TENM3: variants seen among roughly 807,000 people sequenced by gnomAD.
The protein encoded by TENM3 is teneurin transmembrane protein 3, also known as teneurin-3.
Under a neutral mutation model 255.1 loss-of-function variants are expected in TENM3, and 63 were observed. That is an observed-to-expected ratio of 0.25 (90% CI 0.20 to 0.30). The LOEUF is 0.30. TENM3 is among the 10% of genes least tolerant of loss of function. TENM3 has a pLI of 1.00. For synonymous variants in TENM3, 1,306 were observed against 1,322.3 expected (o/e 0.99, Z 0.27); for missense variants, 2,929 against 3,461.1 (o/e 0.85, Z 3.86).
the TENM3 span, among the ~76,000 whole-genome samples, chr4:181,675,587 T>C: frequency 6.6e-6 from 1 of 152,114 alleles, no homozygotes; most frequent in Non-Finnish European, 1.5e-5. Context: ...GGCCAGGTAC[T>C]ATGATGGGCA....
intron 3 of TENM3, among the ~76,000 whole-genome samples, chr4:182,397,435 CAAG>C (rs1402541392): frequency 1.1e-5 from 1 of 94,408 alleles, no homozygotes; most frequent in Non-Finnish European, 2.3e-5. Context: ...AAAAATCAAA[CAAG>C]AGGTAATGGG....
the TENM3 span, among the ~76,000 whole-genome samples, chr4:182,040,441 T>A: frequency 6.6e-6 from 1 of 152,198 alleles, no homozygotes; most frequent in Non-Finnish European, 1.5e-5. Context: ...CAAAGCAAAT[T>A]CCCACCTTGG....
chr4:182,087,311 G>A, the TENM3 span, among the ~76,000 whole-genome samples: 2 of 152,176 alleles, frequency 1.3e-5, no homozygotes, highest in Non-Finnish European at 2.9e-5. Flanking sequence ...CAGGGTTAGT[G>A]TGGGCCAATA....
chr4:182,619,117 A>T lies in TENM3; in HGVS notation c.750-9534A>T, dbSNP rs373384412. Among the ~76,000 whole-genome samples, 3 of 152,268 alleles carry T rather than the reference A, an allele frequency of 2.0e-5. No individual in the cohort carries two copies. The East Asian group carries it at 5.8e-4, about 29-fold the overall frequency. On this transcript the variant is annotated intron_variant, in intron 4 of 27. Transcript: ENST00000511685. ...AACGTGACCCATAGAGGTATACATC[A>T]TGGAATGGGTTAAAAATAGGAGCTA... is the stretch of plus-strand genomic sequence containing the variant.
chr4:182,070,429 G>T, the TENM3 span, among the ~76,000 whole-genome samples: 2 of 152,126 alleles, frequency 1.3e-5, no homozygotes. Context: ...GACCACCCTG[G>T]CCAACATAAT....
At chr4:182,183,215 A>C (rs35347076) in intron 1 of TENM3, among the ~76,000 whole-genome samples, 7,381 of 152,126 alleles carry the variant, frequency 0.049, 211 homozygotes, top group Non-Finnish European at 0.073. Flanking sequence ...GTTTCTTCTT[A>C]TTATTATTAT....
At chr4:182,418,748 A>G (rs1770568406) in intron 3 of TENM3, among the ~76,000 whole-genome samples, 1 of 152,066 alleles carries the variant, frequency 6.6e-6, no homozygotes, top group Non-Finnish European at 1.5e-5. Context: ...TGTTTTGTAG[A>G]GACAGTGTTT....
the TENM3 span, among the ~76,000 whole-genome samples, chr4:181,933,055 G>C: frequency 1.3e-5 from 2 of 152,062 alleles, no homozygotes; most frequent in African/African-American, 4.8e-5. Flanking sequence ...AGGAGAAATA[G>C]CTAATGTAGA....
chr4:182,256,264 C>A (rs558043625), intron 1 of TENM3, among the ~76,000 whole-genome samples: 20 of 152,266 alleles, frequency 1.3e-4, no homozygotes, highest in African/African-American at 4.6e-4. Flanking sequence ...AAATTTGAAT[C>A]GATTATGGGC....
At chr4:182,071,813 G>A in the TENM3 span, among the ~76,000 whole-genome samples, 123 of 152,078 alleles carry the variant, frequency 8.1e-4, no homozygotes, top group East Asian at 4.1e-3. Flanking sequence ...CGAACACCAG[G>A]GATGGTTCTT....
At chr4:181,601,578 T>C in the TENM3 span, among the ~76,000 whole-genome samples, 5 of 152,320 alleles carry the variant, frequency 3.3e-5, no homozygotes, top group African/African-American at 1.2e-4. Context: ...AATTGTTACA[T>C]GTACTTTGGA....
intron 1 of TENM3, among the ~76,000 whole-genome samples, chr4:182,313,519 G>A (rs1392031452): frequency 1.6e-4 from 24 of 151,856 alleles, no homozygotes; most frequent in Admixed American, 1.6e-3. Context: ...ATACACACAT[G>A]TTCATATATA....
intron 3 of TENM3, among the ~76,000 whole-genome samples, chr4:182,362,975 T>C (rs1435119025): frequency 6.6e-6 from 1 of 152,104 alleles, no homozygotes; most frequent in African/African-American, 2.4e-5. Flanking sequence ...AAGATACCTT[T>C]CTGTCTAAGA....
chr4:182,754,359 AC>A lies in TENM3; in HGVS notation c.4018-24del. 3 of 1,548,468 alleles carry A rather than the reference AC, an allele frequency of 1.9e-6. No individual in the cohort carries two copies. Among genetic ancestry groups the A allele is most frequent in the Non-Finnish European group, 2.6e-6 (3 of 1,144,604 alleles). ...TTAACTGTAGTGCAGTAACTTACTA[AC>A]CAGGCCATTTCTTTTTTTATTAAGG... On this transcript the variant is annotated intron_variant, in intron 21 of 27. Transcript: ENST00000511685. This position sits in a 1 kb window ranked among gnomAD's most constrained non-coding sequence, Gnocchi z 5.1.
At chr4:181,993,072 T>G in the TENM3 span, among the ~76,000 whole-genome samples, 3 of 152,156 alleles carry the variant, frequency 2.0e-5, no homozygotes, top group African/African-American at 7.2e-5. Flanking sequence ...CATAATTGCC[T>G]GTAAGGACTT....
At chr4:182,003,744 A>T in the TENM3 span, among the ~76,000 whole-genome samples, 1 of 152,004 alleles carries the variant, frequency 6.6e-6, no homozygotes, top group Non-Finnish European at 1.5e-5. Flanking sequence ...TAAAGCAAGG[A>T]TTAGATTTAC....
chr4:181,562,792 A>G, the TENM3 span, among the ~76,000 whole-genome samples: 17,517 of 151,720 alleles, frequency 0.12, 1,102 homozygotes, highest in Middle Eastern at 0.17. Context: ...CTCCTGCCTC[A>G]GCCTCCCAAG....
At chr4:182,269,135 G>A (rs146986125) in intron 1 of TENM3, among the ~76,000 whole-genome samples, 47 of 152,220 alleles carry the variant, frequency 3.1e-4, no homozygotes, top group Middle Eastern at 3.4e-3. Context: ...TGGACAGTTC[G>A]GAAATGCTAG....
At chr4:181,658,922 A>G in the TENM3 span, among the ~76,000 whole-genome samples, 1 of 152,158 alleles carries the variant, frequency 6.6e-6, no homozygotes, top group Non-Finnish European at 1.5e-5. Context: ...TCATTCTGCC[A>G]GAGACATTCG....
Sources: gnomAD v4.1 joint callset for allele counts (sites outside exome capture counted in the v4.1 genomes callset) on GRCh38, gnomAD v4.1.1 for gene constraint, Gnocchi (gnomAD v3.1) non-coding constraint, MANE v1.5 for transcripts, NCBI Gene and HGNC (gene_info 2026-07-23, HGNC 2026-07-21) for gene names.